Variants in ITGAE observed in about 807,000 individuals in gnomAD.
ITGAE encodes the protein integrin alpha-E.
A neutral mutation model predicts 136.5 loss-of-function variants in ITGAE; 99 were observed. The observed-to-expected ratio is 0.73, with a 90% CI of 0.62 to 0.86. The LOEUF (loss-of-function observed/expected upper bound fraction) is 0.86. Among genes scored for constraint, ITGAE ranks in the 40% least tolerant of loss-of-function variants. The pLI, the probability that ITGAE is intolerant of heterozygous loss-of-function variation, is 0.00. For missense variants in ITGAE, 1,447 were observed against 1,515.3 expected (o/e 0.95, Z 0.75); for synonymous variants, 613 against 591.8 (o/e 1.04, Z -0.52).
Position 3,724,127 on chromosome 17 carries a change from C to A in ITGAE, c.3085-383G>T, listed in dbSNP as rs751835763. On this transcript the variant is annotated intron_variant, in intron 26 of 30. Transcript: ENST00000263087. ...ACCCCTCGCAGTCCGACGATCCTGA[C>A]GATCCCGACGACCCCGACTTCCCCG... 5.5e-5 allele frequency: 88 copies of A among 1,594,410 alleles called. No homozygotes were observed. Among genetic ancestry groups the A allele is most frequent in the Non-Finnish European group, 7.2e-5 (85 of 1,177,482 alleles).
intron 1 of ITGAE, among the ~76,000 whole-genome samples, chr17:3,793,816 G>A (rs2052997896): frequency 6.6e-6 from 1 of 152,002 alleles, no homozygotes; most frequent in Non-Finnish European, 1.5e-5. Flanking sequence ...AAAGTGCTGG[G>A]ATTACAGGTG....
chr17:3,791,112 G>A (rs180926625), intron 1 of ITGAE, among the ~76,000 whole-genome samples: 47 of 142,732 alleles, frequency 3.3e-4, no homozygotes, highest in African/African-American at 1.0e-3. Flanking sequence ...CAGAGATCGC[G>A]CCACTGCACT....
intron 15 of ITGAE, among the ~76,000 whole-genome samples, 162 bp downstream of exon 15, chr17:3,751,488 G>C (rs1282687180): frequency 6.6e-6 from 1 of 151,876 alleles, no homozygotes; most frequent in African/African-American, 2.4e-5. Context: ...CCCTGGTCTG[G>C]AAGCTCCCCC....
intron 24 of ITGAE, among the ~76,000 whole-genome samples, chr17:3,729,030 C>T (rs187192306): frequency 3.8e-5 from 5 of 133,102 alleles, no homozygotes; most frequent in South Asian, 4.5e-4. Flanking sequence ...AGTGAGACTT[C>T]GTCTCAGTTT....
At chr17:3,759,124 C>CAA (rs571819995) in intron 8 of ITGAE, among the ~76,000 whole-genome samples, 9 of 86,494 alleles carry the variant, frequency 1.0e-4, no homozygotes, top group Admixed American at 1.3e-4. Context: ...GACTCCATCT[C>CAA]AAAAAAAAAA....
rs146378948 is a variant in ITGAE at position 3,729,091 on chromosome 17, C to T, written c.2912+387G>A. ...GCTGAATGTCAAAATATAAAGTGGT[C>T]GTAGCGCAGTTGGGGTGAGGTGGAA... is the stretch of plus-strand genomic sequence containing the variant. On this transcript the variant is annotated intron_variant, in intron 24 of 30. Coordinates refer to ENST00000263087, the MANE Select transcript of ITGAE (RefSeq NM_002208.5). Among the ~76,000 whole-genome samples, 104 of 151,632 alleles carry T rather than the reference C, an allele frequency of 6.9e-4. 1 individual carries two copies. Among genetic ancestry groups the T allele is most frequent in the African/African-American group, 2.3e-3 (95 of 41,322 alleles).
At chr17:3,784,440 G>C (rs940161423) in intron 1 of ITGAE, 1 of 202,918 alleles carries the variant, frequency 4.9e-6, no homozygotes, top group African/African-American at 2.4e-5. Context: ...CTGTCACCAG[G>C]CTGGAGTGCA....
Position 3,761,131 on chromosome 17 carries a change from G to T in ITGAE, c.480C>A (p.Tyr160Ter). ...CTTCTCCACCGCCTTCTTTGTTGCTGTAGCAGTCTCCAGTGTCCACACGTG... is the reference window on the plus strand; with the variant it reads ...CTTCTCCACCGCCTTCTTTGTTGCTTTAGCAGTCTCCAGTGTCCACACGTG... ...PDARVDTGDC[Y>*]SNKEGGGEDD... The change falls in exon 6 of 31, where the codon TAC becomes TAA. Residue 160 changes from tyrosine to a stop codon, truncating the protein, a stop_gained. Transcript: ENST00000263087. LOFTEE classifies it high-confidence loss of function. 6.2e-7 allele frequency: 1 copy of T among 1,613,370 alleles called. No homozygotes were observed. The highest frequency in any genetic ancestry group is 1.6e-4 in the Middle Eastern group (1 of 6,062).
chr17:3,742,246 T>TA (rs1420277730), intron 19 of ITGAE, among the ~76,000 whole-genome samples: 1 of 152,162 alleles, frequency 6.6e-6, no homozygotes, highest in Non-Finnish European at 1.5e-5. Context: ...AGACTAAAGA[T>TA]AAATAACTGT....
Position 3,770,913 on chromosome 17 carries a change from G to A in ITGAE, c.155+6627C>T, listed in dbSNP as rs376030092. 1.8e-3 allele frequency among the ~76,000 whole-genome samples: 276 copies of A among 152,232 alleles called. 2 individuals are homozygous for A. Among genetic ancestry groups the A allele is most frequent in the African/African-American group, 6.4e-3 (267 of 41,536 alleles). On this transcript the variant is annotated intron_variant, in intron 2 of 30. Transcript: ENST00000263087. ...AGGCGTGGGGTCGCTGGGTATTGGT[G>A]GGAGGGAACTAGGCAGGAGACAGTT...
intron 28 of ITGAE, among the ~76,000 whole-genome samples, chr17:3,721,187 C>T (rs775168988): frequency 5.9e-5 from 9 of 151,886 alleles, no homozygotes; most frequent in African/African-American, 1.5e-4. Context: ...CCTTAGCCTC[C>T]CACAGTGCTG....
At chr17:3,727,319 G>A (rs887411361) in intron 26 of ITGAE, among the ~76,000 whole-genome samples, 1 of 151,948 alleles carries the variant, frequency 6.6e-6, no homozygotes, top group Non-Finnish European at 1.5e-5. Flanking sequence ...AATGTCACAT[G>A]TTACATCGCT....
intron 30 of ITGAE, 62 bp from the exon 31 acceptor site, chr17:3,715,004 C>T (rs1367950): frequency 0.46 from 447,068 of 971,732 alleles, 110,105 homozygotes; most frequent in South Asian, 0.59. Flanking sequence ...TTCAGAAAAC[C>T]GGCATTCTGG....
chr17:3,725,234 G>A (rs760509321), intron 26 of ITGAE: 1 of 1,614,126 alleles, frequency 6.2e-7, no homozygotes, highest in South Asian at 1.1e-5. Context: ...GTGGTGCTCC[G>A]TCCTCTTGGC....
chr17:3,797,709 C>T (rs1318789005), intron 1 of ITGAE, among the ~76,000 whole-genome samples: 3 of 152,140 alleles, frequency 2.0e-5, no homozygotes, highest in Non-Finnish European at 4.4e-5. Flanking sequence ...GCTCTGCCCG[C>T]CTTGGCCTCC....
intron 9 of ITGAE, 103 bp from the exon 10 acceptor site, chr17:3,757,237 T>C: frequency 7.4e-7 from 1 of 1,348,230 alleles, no homozygotes; most frequent in South Asian, 1.4e-5. Flanking sequence ...CTCCATTACC[T>C]GTCTCCTTCC....
At chr17:3,745,955 T>C (rs749551764) in intron 17 of ITGAE, 28 bp from the exon 18 acceptor site, 17 of 1,604,560 alleles carry the variant, frequency 1.1e-5, no homozygotes, top group East Asian at 2.2e-5. Flanking sequence ...ACCTTCCCGA[T>C]GAGGTGGGGA....
At position 3,729,466 on chromosome 17, in the gene ITGAE, G is replaced by A; in HGVS notation, c.2912+12C>T. ...GGAGTCACACCGCTGCTGGCCTCTTGGGAGTACTCACTTGGACAGAACTGC... is the reference window on the plus strand; with the variant it reads ...GGAGTCACACCGCTGCTGGCCTCTTAGGAGTACTCACTTGGACAGAACTGC... On this transcript the variant is annotated intron_variant, in intron 24 of 30. Coordinates refer to ENST00000263087, the MANE Select transcript of ITGAE (RefSeq NM_002208.5). The A allele has an allele frequency of 6.3e-7, 1 of 1,578,910 alleles. No individual in the cohort carries two copies. Among genetic ancestry groups the A allele is most frequent in the African/African-American group, 1.3e-5 (1 of 74,388 alleles).
At chr17:3,762,077 G>A (rs2052186540) in intron 3 of ITGAE, 95 bp from the exon 4 acceptor site, 2 of 983,702 alleles carry the variant, frequency 2.0e-6, no homozygotes, top group Non-Finnish European at 3.1e-6. Flanking sequence ...CCTTGGTCAG[G>A]CCCCCATGAG....
Sources: allele counts gnomAD v4.1 joint callset (sites outside exome capture counted in the v4.1 genomes callset), GRCh38; gene constraint gnomAD v4.1.1; transcripts MANE v1.5; gene names NCBI Gene and HGNC (gene_info 2026-07-23, HGNC 2026-07-21).